Variants in POTEF observed in about 807,000 individuals in gnomAD.
POTEF encodes POTE ankyrin domain family member F, also known as ANKRD26-like family C member 1B.
In POTEF, 20 loss-of-function variants were observed where a neutral mutation model predicts 83.2. That is an observed-to-expected ratio of 0.24 (90% confidence interval 0.17 to 0.35). The LOEUF is 0.35. Among genes scored for constraint, POTEF ranks in the 10% least tolerant of loss-of-function variants. The pLI, the probability that POTEF is intolerant of heterozygous loss-of-function variation, is 1.00. For missense variants in POTEF, 550 were observed against 1,203.2 expected, an observed-to-expected ratio of 0.46 and a Z score of 8.03; for synonymous variants, 196 against 446.4, an observed-to-expected ratio of 0.44 and a Z score of 7.07.
Position 130,107,635 on chromosome 2 carries a change from T to C in POTEF, c.1126+374A>G. On this transcript the variant is annotated intron_variant, in intron 8 of 16. Coordinates refer to ENST00000409914, the MANE Select transcript of POTEF (RefSeq NM_001099771.2). ...CAGTCAGATCAGTGATAGCATTAGA[T>C]ACTCATTGGAGCATGAACCCTGTTG... 3 of 295,632 alleles carry C rather than the reference T, an allele frequency of 1.0e-5. No homozygotes were observed. The South Asian group carries it at 1.1e-4, about 11-fold the overall frequency. The allele number at this position is 295,632 out of a possible 1,614,324, so 18.3% of individuals were successfully genotyped here. A position where few individuals can be genotyped will look rare whatever the true frequency, so the allele number is the denominator to read the frequency against.
intron 8 of POTEF, among the ~76,000 whole-genome samples, chr2:130,105,220 T>TA (rs1473066996): frequency 2.7e-4 from 40 of 149,480 alleles, no homozygotes; most frequent in Non-Finnish European, 4.9e-4. Context: ...GGCTTTTATT[T>TA]AAAAAAAAGC....
rs1413907874 is a variant in POTEF, at chr2:130,090,541, TTCTC to T, written c.1481-2408_1481-2405del. On this transcript the variant is annotated intron_variant, in intron 12 of 16. Coordinates refer to ENST00000409914, the MANE Select transcript of POTEF (RefSeq NM_001099771.2). ...TGGAAACCTGTACATCATCTGAGAT[TTCTC>T]TCTGTCCCCCAAGCCTTTCTCATTC... 7.2e-4 allele frequency among the ~76,000 whole-genome samples: 56 copies of T among 78,184 alleles called. 5 individuals carry two copies. Among genetic ancestry groups the T allele is most frequent in the Non-Finnish European group, 2.5e-5 (1 of 39,318 alleles). The allele number at this position is 78,184 out of a possible 152,430, so 51.3% of individuals were successfully genotyped here.
chr2:130,127,149 A>G (rs190432382), intron 2 of POTEF, among the ~76,000 whole-genome samples: 12 of 151,370 alleles, frequency 7.9e-5, no homozygotes, highest in Admixed American at 2.6e-4. Context: ...GTGAAACCCC[A>G]TCTCTACTAA....
At chr2:130,128,652 GC>G (rs1435004464) in intron 1 of POTEF, among the ~76,000 whole-genome samples, 1 of 149,502 alleles carries the variant, frequency 6.7e-6, no homozygotes, top group Non-Finnish European at 1.5e-5. Context: ...CAAAATCGCC[GC>G]CCCCACCCCA....
In POTEF at chr2:130,085,933, T is replaced by C; in HGVS notation, c.1659A>G (p.Pro553=). 1 of 995,556 alleles carries C rather than the reference T, an allele frequency of 1.0e-6. No homozygotes were observed. The highest frequency in any genetic ancestry group is 1.3e-6 in the Non-Finnish European group (1 of 748,832). The allele number at this position is 995,556 out of a possible 1,614,324, so 61.7% of individuals were successfully genotyped here. ...KKHRSTHVGF[P]ENLTNGATAG... Reference sequence around the variant, plus strand: ...CAGTGGCACCATTAGTCAGGTTTTCTGGGAATCCGACATGAGTACTTCTGT... The same window carrying C: ...CAGTGGCACCATTAGTCAGGTTTTCCGGGAATCCGACATGAGTACTTCTGT... The change falls in exon 15 of 17, where the codon CCA becomes CCG. Residue 553 remains proline, a synonymous_variant. Coordinates refer to ENST00000409914, the MANE Select transcript of POTEF (RefSeq NM_001099771.2).
chr2:130,088,917 G>C (rs1275195063), intron 12 of POTEF, among the ~76,000 whole-genome samples: 1 of 152,236 alleles, frequency 6.6e-6, no homozygotes, highest in Non-Finnish European at 1.5e-5. Context: ...AGTCTTCCTT[G>C]ATTCTGCATG....
intron 6 of POTEF, among the ~76,000 whole-genome samples, chr2:130,111,681 G>C (rs1357834057): frequency 6.6e-6 from 1 of 150,644 alleles, no homozygotes; most frequent in Non-Finnish European, 1.5e-5. Flanking sequence ...TCAATACTGA[G>C]TCATAAAGTA....
At chr2:130,075,776 T>C (rs1161329483) in intron 16 of POTEF, among the ~76,000 whole-genome samples, 3 of 145,886 alleles carry the variant, frequency 2.1e-5, no homozygotes, top group Admixed American at 1.4e-4. Flanking sequence ...TTTAAATAAA[T>C]ATTTAAACTT....
chr2:130,105,005 T>A (rs920529319), intron 8 of POTEF, among the ~76,000 whole-genome samples: 9 of 150,496 alleles, frequency 6.0e-5, no homozygotes, highest in Admixed American at 1.3e-4. Context: ...TTTGCTCTTC[T>A]GTATTCACCA....
At chr2:130,126,776 A>G (rs2104714052) in intron 2 of POTEF, among the ~76,000 whole-genome samples, 1 of 152,064 alleles carries the variant, frequency 6.6e-6, no homozygotes, top group African/African-American at 2.4e-5. Context: ...CACAGTGACA[A>G]TTTTGGCTTG....
rs1191397994 is a variant in POTEF, at chr2:130,120,314, A to C, written c.202T>G (p.Cys68Gly). Reference protein sequence around the residue: ...RSKMGKWCRHCFPCCRGSGKS... With the variant: ...RSKMGKWCRHGFPCCRGSGKS... Reference sequence around the variant, plus strand: ...CCACTCCCCCTGCAGCAGGGGAAGCAGTGGCGGCACCACTTGCCCATCTTG... The same window carrying C: ...CCACTCCCCCTGCAGCAGGGGAAGCCGTGGCGGCACCACTTGCCCATCTTG... The change falls in exon 3 of 17, where the codon TGC (cysteine) becomes GGC (glycine). Residue 68 changes from cysteine (C) to glycine (G), a missense_variant. Cys to Gly is a radical substitution (Grantham distance 159). Coordinates refer to ENST00000409914, the MANE Select transcript of POTEF (RefSeq NM_001099771.2). 1.2e-6 allele frequency: 2 copies of C among 1,606,012 alleles called. No individual in the cohort carries two copies. Among genetic ancestry groups the C allele is most frequent in the African/African-American group, 2.9e-5 (2 of 69,284 alleles).
chr2:130,095,025 C>CTTT (rs1189045004), intron 11 of POTEF, among the ~76,000 whole-genome samples: 45 of 107,070 alleles, frequency 4.2e-4, no homozygotes, highest in African/African-American at 1.3e-3. Context: ...CCATGTCAAA[C>CTTT]TTTTTTTTTT....
intron 5 of POTEF, 137 bp downstream of exon 5, chr2:130,114,744 A>G (rs1684798009): frequency 7.6e-7 from 1 of 1,316,750 alleles, no homozygotes; most frequent in South Asian, 1.5e-5. Flanking sequence ...ATGAAGTCTT[A>G]GATAATTAGG....
In POTEF at chr2:130,075,503, T is replaced by G. The variant is rs746684750; in HGVS notation, c.1969A>C (p.Met657Leu). 1 of 1,611,238 alleles carries G rather than the reference T, an allele frequency of 6.2e-7. No individual in the cohort carries two copies. Among genetic ancestry groups the G allele is most frequent in the African/African-American group, 1.3e-5 (1 of 74,534 alleles). Residue 657 changes from methionine (M) to leucine (L), a missense_variant, in exon 17 of 17, where the codon ATG becomes CTG. Coordinates refer to ENST00000409914, the MANE Select transcript of POTEF (RefSeq NM_001099771.2). ...ENSTLREEIA[M>L]LRLELDTMKH... ...ATTGTGTCTAGCTCCAGTCTTAGCA[T>G]GGCAATTTCTTCCCGCAACGTACTA...
rs1235308655 is a variant in POTEF at position 130,076,985 on chromosome 2, CAT to C, written c.1899+94_1899+95del. ...AAAGGATATATAGAATATATACACA[CAT>C]ATATATGACTTAAAAATCCTTTATA... On this transcript the variant is annotated intron_variant, in intron 16 of 16. Coordinates refer to ENST00000409914, the MANE Select transcript of POTEF (RefSeq NM_001099771.2). 1.3e-3 allele frequency: 566 copies of C among 419,892 alleles called. 2 individuals carry two copies. The highest frequency in any genetic ancestry group is 9.2e-3 in the African/African-American group (401 of 43,712). The allele number at this position is 419,892 out of a possible 1,614,324, so 26.0% of individuals were successfully genotyped here. A position where few individuals can be genotyped will look rare whatever the true frequency, so the allele number is the denominator to read the frequency against.
chr2:130,122,454 G>T (rs1336363289), intron 2 of POTEF, among the ~76,000 whole-genome samples: 3 of 140,046 alleles, frequency 2.1e-5, no homozygotes, highest in African/African-American at 8.2e-5. Flanking sequence ...TGTTTGCTTT[G>T]TCAAAGATTA....
At position 130,075,299 on chromosome 2, in the gene POTEF, C is replaced by A. The variant is rs1009657282; in HGVS notation, c.2173G>T (p.Asp725Tyr). Residue 725 changes from aspartate to tyrosine, a missense_variant, in exon 17 of 17, where the codon GAT becomes TAT. Coordinates refer to ENST00000409914, the MANE Select transcript of POTEF (RefSeq NM_001099771.2). ...GMCKAGFAGD[D>Y]APRAVFPSIV... is the part of the protein sequence containing the mutation. ...GAAGGGAAGACAGCCCGGGGGGCAT[C>A]GTCGCCCGCAAAGCCGGCCTTGCAC... is the stretch of plus-strand genomic sequence containing the variant. 14 of 1,612,688 alleles carry A rather than the reference C, an allele frequency of 8.7e-6. No homozygotes were observed. The African/African-American group carries it at 1.2e-4, about 14-fold the overall frequency.
chr2:130,109,939 C>G (rs11902587), intron 7 of POTEF, among the ~76,000 whole-genome samples: 2,167 of 151,302 alleles, frequency 0.014, 82 homozygotes, highest in African/African-American at 0.051. Flanking sequence ...ACATCAAAGT[C>G]ACTGTATGAA....
chr2:130,076,086 G>A (rs1256763879), intron 16 of POTEF, among the ~76,000 whole-genome samples: 7 of 94,348 alleles, frequency 7.4e-5, no homozygotes, highest in Admixed American at 1.3e-4. Context: ...ACGTTTTACC[G>A]ATATTCTACA....
Sources: gnomAD v4.1 joint callset for allele counts (sites outside exome capture counted in the v4.1 genomes callset) on GRCh38, gnomAD v4.1.1 for gene constraint, MANE v1.5 for transcripts, NCBI Gene and HGNC (gene_info 2026-07-23, HGNC 2026-07-21) for gene names.